Variants in ZSCAN30 observed in about 807,000 individuals in gnomAD.
ZSCAN30 encodes the protein zinc finger and SCAN domain containing 30.
Under a neutral mutation model 44.3 loss-of-function variants are expected in ZSCAN30, and 37 were observed. The ratio of observed to expected loss-of-function variants is 0.84; its 90% CI spans 0.64 to 1.10. The LOEUF (loss-of-function observed/expected upper bound fraction) is 1.10. Among genes scored for constraint, ZSCAN30 ranks in the 50% least tolerant of loss-of-function variants. The pLI, the probability that ZSCAN30 is intolerant of heterozygous loss-of-function variation, is 0.00. For missense variants in ZSCAN30, 549 were observed against 582.6 expected, an observed-to-expected ratio of 0.94 and a Z score of 0.59; for synonymous variants, 181 against 204.6, an observed-to-expected ratio of 0.88 and a Z score of 0.98.
At position 35,251,262 on chromosome 18, in the gene ZSCAN30, G is replaced by A. The variant is rs1291200343; in HGVS notation, c.*2188C>T. On this transcript the variant is annotated 3_prime_UTR_variant, in exon 4 of 4. Coordinates refer to ENST00000333206, the MANE Select transcript of ZSCAN30 (RefSeq NM_001112734.4). ...CGTTTCTATGGGCATTGGGATTGGG[G>A]GTGGTTTATACTTTCTCATTTTCTG... The A allele has an allele frequency of 6.6e-6, 1 of 152,004 alleles. No individual in the cohort carries two copies. Among genetic ancestry groups the A allele is most frequent in the Non-Finnish European group, 1.5e-5 (1 of 68,006 alleles). 9.4% of individuals were successfully genotyped at this position (152,004 alleles called of 1,614,324 possible).
chr18:35,279,229 T>A (rs1049835219), intron 1 of ZSCAN30, among the ~76,000 whole-genome samples: 1 of 152,224 alleles, frequency 6.6e-6, no homozygotes, highest in Non-Finnish European at 1.5e-5. Flanking sequence ...AGGTTAGAAG[T>A]ACAAGATCAA....
At chr18:35,267,894 G>A (rs966881995) in intron 1 of ZSCAN30, 1 of 152,146 alleles carries the variant, frequency 6.6e-6, no homozygotes. Flanking sequence ...CGTGCTGACT[G>A]CGAAGACGAC....
rs2043700028 is a variant in ZSCAN30, at chr18:35,254,079, A to T, written c.856T>A (p.Ser286Thr). 2.5e-6 allele frequency: 4 copies of T among 1,613,994 alleles called. No homozygotes were observed. The African/African-American group carries it at 5.3e-5, about 22-fold the overall frequency. ...HESEGSFSMN[S>T]NDITQQSVDT... is the part of the protein sequence containing the mutation. ...ACGCTCTGTTGTGTAATATCATTTG[A>T]ATTCATACTGAAACTTCCTTCACTC... The change falls in exon 4 of 4, where the codon TCA (serine) becomes ACA (threonine). Residue 286 changes from serine (S) to threonine (T), a missense_variant. By Grantham distance (58) the Ser-to-Thr change is moderately conservative (BLOSUM62 1). Coordinates refer to ENST00000333206, the MANE Select transcript of ZSCAN30 (RefSeq NM_001112734.4).
chr18:35,253,587 AG>A lies in ZSCAN30; in HGVS notation c.1347del (p.Phe450SerfsTer100). On this transcript the variant is annotated frameshift_variant, in exon 4 of 4. Coordinates refer to ENST00000333206, the MANE Select transcript of ZSCAN30 (RefSeq NM_001112734.4). LOFTEE classifies it high-confidence loss of function. ...TGGGTGAGGGCTGAGCTCTGATTGA[AG>A]GATTTTCCACATTCATTACATTCAT... ...KPYECNECGK[S>X]FNQSSALTQH... 1 of 1,614,102 alleles carries A rather than the reference AG, an allele frequency of 6.2e-7. No homozygotes were observed. The highest frequency in any genetic ancestry group is 2.2e-5 in the East Asian group (1 of 44,882).
chr18:35,275,846 G>A (rs1015120553), intron 1 of ZSCAN30, among the ~76,000 whole-genome samples: 1 of 152,082 alleles, frequency 6.6e-6, no homozygotes, highest in African/African-American at 2.4e-5. Context: ...TCCATTTCCA[G>A]ATATCCCATT....
chr18:35,262,989 G>A (rs1433479395), intron 3 of ZSCAN30: 1 of 175,276 alleles, frequency 5.7e-6, no homozygotes, highest in Admixed American at 5.8e-5. Flanking sequence ...ATGATTATGT[G>A]GTTTCTATTA....
In ZSCAN30 at chr18:35,264,053, A is replaced by C; in HGVS notation, c.300T>G (p.Leu100=). 6.2e-7 allele frequency: 1 copy of C among 1,614,160 alleles called. No individual in the cohort carries two copies. Among genetic ancestry groups the C allele is most frequent in the Non-Finnish European group, 8.5e-7 (1 of 1,180,024 alleles). The change falls in exon 2 of 4, where the codon CTT becomes CTG. Residue 100 remains leucine (L), a synonymous_variant. Transcript: ENST00000333206. ...GCAGCCAAGCTTGCAGCTCCTCAGG[A>C]AGGATGGCCAGGAACTGCTCCAACA... The part of the protein sequence containing the change: ...LLMLEQFLAI[L]PEELQAWLRE...
chr18:35,269,818 G>A (rs1182517470), intron 1 of ZSCAN30: 3 of 143,546 alleles, frequency 2.1e-5, no homozygotes, highest in African/African-American at 2.6e-5. Flanking sequence ...CATTTCTAAT[G>A]AAGCACATAA....
intron 1 of ZSCAN30, chr18:35,282,757 C>T (rs1381946611): frequency 6.6e-6 from 1 of 152,172 alleles, no homozygotes; most frequent in African/African-American, 2.4e-5. Context: ...CCCTCACCAC[C>T]AAGGTCAAAG....
intron 1 of ZSCAN30, among the ~76,000 whole-genome samples, chr18:35,286,990 T>C (rs1335034812): frequency 6.6e-6 from 1 of 152,096 alleles, no homozygotes; most frequent in Non-Finnish European, 1.5e-5. Context: ...AAGATTAATA[T>C]ACAAAAATCA....
At chr18:35,265,178 G>A (rs1298381475) in intron 1 of ZSCAN30, among the ~76,000 whole-genome samples, 1 of 151,638 alleles carries the variant, frequency 6.6e-6, no homozygotes, top group Non-Finnish European at 1.5e-5. Flanking sequence ...TTTTCCTAAC[G>A]AGGCTACTAA....
In ZSCAN30 at chr18:35,253,361, T is replaced by C. The variant is rs1040941351; in HGVS notation, c.*89A>G. 8 of 1,080,846 alleles carry C rather than the reference T, an allele frequency of 7.4e-6. No homozygotes were observed. In the Admixed American group the frequency reaches 1.3e-4, roughly 18 times the overall value. 67.0% of individuals were successfully genotyped at this position (1,080,846 alleles called of 1,614,324 possible). ...AACTGGGAGGGAAGGACAGAAGTTC[T>C]GCTCTCAGGAAACTTTTCTTTTCTG... On this transcript the variant is annotated 3_prime_UTR_variant, in exon 4 of 4. Coordinates refer to ENST00000333206, the MANE Select transcript of ZSCAN30 (RefSeq NM_001112734.4).
chr18:35,281,182 G>C (rs1414077255), intron 1 of ZSCAN30: 1 of 152,146 alleles, frequency 6.6e-6, no homozygotes, highest in Non-Finnish European at 1.5e-5. Flanking sequence ...GTAGAATATT[G>C]GTGGTGGCCT....
chr18:35,273,951 C>T (rs929935219), intron 1 of ZSCAN30, among the ~76,000 whole-genome samples: 3 of 152,124 alleles, frequency 2.0e-5, no homozygotes, highest in East Asian at 1.9e-4. Context: ...GTTCTTAGCT[C>T]GGTTGCCTGG....
chr18:35,258,991 T>A (rs12959416), intron 3 of ZSCAN30: 1 of 151,182 alleles, frequency 6.6e-6, no homozygotes, highest in African/African-American at 2.5e-5. Flanking sequence ...ATGAATAAAT[T>A]AAAGTTGGGA....
chr18:35,280,304 A>C (rs1292117731), intron 1 of ZSCAN30, among the ~76,000 whole-genome samples: 1 of 151,530 alleles, frequency 6.6e-6, no homozygotes, highest in African/African-American at 2.4e-5. Flanking sequence ...GAGAGGAGAG[A>C]GACAGAGAAG....
rs766426560 is a variant in ZSCAN30 at position 35,263,568 on chromosome 18, G to A, written c.498C>T (p.Pro166=). ...KSLSLNSPVQ[P]LENQCKTETQ... is the part of the protein sequence containing the mutation. ...TCTCAGTCTTGCACTGGTTCTCTAA[G>A]GGCTGCACCGGGCTATTCAGAGACA... is the stretch of plus-strand genomic sequence containing the variant. Residue 166 remains proline, a synonymous_variant, in exon 3 of 4, where the codon CCC becomes CCT. Transcript: ENST00000333206. The A allele has an allele frequency of 6.8e-6, 11 of 1,614,060 alleles. No individual in the cohort carries two copies. The highest frequency in any genetic ancestry group is 3.3e-4 in the Middle Eastern group (2 of 6,084).
chr18:35,267,662 G>A (rs888640837), intron 1 of ZSCAN30: 1 of 152,158 alleles, frequency 6.6e-6, no homozygotes, highest in Non-Finnish European at 1.5e-5. Context: ...GCATCGCAGA[G>A]TACAAGCGGT....
rs752015713 is a variant in ZSCAN30 at position 35,264,316 on chromosome 18, GAGCATGGTA to G, written c.28_36del (p.Tyr10_Ala12del). ...ACTAGAAGTCCTTCCTGTTCTTCTG[GAGCATGGTA>G]GGCCAAGACTGTGGCCTCTCCTGAC... On this transcript the variant is annotated inframe_deletion, in exon 2 of 4. Coordinates refer to ENST00000333206, the MANE Select transcript of ZSCAN30 (RefSeq NM_001112734.4). 1 of 1,613,886 alleles carries G rather than the reference GAGCATGGTA, an allele frequency of 6.2e-7. No homozygotes were observed. Among genetic ancestry groups the G allele is most frequent in the Non-Finnish European group, 8.5e-7 (1 of 1,180,016 alleles).
Sources: gnomAD v4.1 joint callset for allele counts (sites outside exome capture counted in the v4.1 genomes callset) on GRCh38, gnomAD v4.1.1 for gene constraint, MANE v1.5 for transcripts, NCBI Gene and HGNC (gene_info 2026-07-23, HGNC 2026-07-21) for gene names.